Variants in OTC observed in about 807,000 individuals in gnomAD.
OTC encodes the protein ornithine transcarbamylase, mitochondrial.
In OTC, 3 loss-of-function variants were observed where a neutral mutation model predicts 30.3. The ratio of observed to expected loss-of-function variants is 0.10; its 90% CI spans 0.05 to 0.26. The LOEUF (loss-of-function observed/expected upper bound fraction) is 0.26, where lower values mean the gene tolerates loss of function less well. Ranked by LOEUF, OTC falls within the 10% of genes least tolerant of loss-of-function variation. The pLI is 1.00. For synonymous variants in OTC, 111 were observed against 99.7 expected, an observed-to-expected ratio of 1.11 and a Z score of -0.67; for missense variants, 194 against 260.3, an observed-to-expected ratio of 0.75 and a Z score of 1.75.
chrX:38,367,482 A>C, intron 2 of OTC, 53 bp downstream of exon 2: 2 of 1,066,840 alleles, frequency 1.9e-6, no homozygotes, highest in Non-Finnish European at 2.6e-6. Context: ...CTTTTTTTAA[A>C]GGCAGCCTTC....
intron 3 of OTC, among the ~76,000 whole-genome samples, chrX:38,378,126 G>A (rs985364806): frequency 2.9e-5 from 3 of 104,437 alleles, no homozygotes; most frequent in South Asian, 9.1e-4. Flanking sequence ...GTGAGCCACC[G>A]CACCCGGCCT....
At chrX:38,336,149 A>C in the OTC span, among the ~76,000 whole-genome samples, 1 of 111,367 alleles carries the variant, frequency 9.0e-6, no homozygotes, top group Non-Finnish European at 1.9e-5. Flanking sequence ...AGATCCAGGG[A>C]TAACAGCATT....
chrX:38,359,165 G>A (rs2068257425), intron 1 of OTC, among the ~76,000 whole-genome samples: 1 of 111,655 alleles, frequency 9.0e-6, no homozygotes, highest in Admixed American at 9.5e-5. Flanking sequence ...AGGTATACTT[G>A]CCAGTTTTCC....
chrX:38,389,979 G>T (rs1200438078), intron 4 of OTC, among the ~76,000 whole-genome samples: 1 of 111,767 alleles, frequency 8.9e-6, no homozygotes, highest in African/African-American at 3.2e-5. Context: ...ACTCAATTTT[G>T]GCTATCTCTG....
At chrX:38,331,152 T>A in the OTC span, among the ~76,000 whole-genome samples, 4 of 111,929 alleles carry the variant, frequency 3.6e-5, no homozygotes, top group East Asian at 1.1e-3. Context: ...ATAAAAATAA[T>A]AATTTAAGCC....
intron 3 of OTC, among the ~76,000 whole-genome samples, chrX:38,372,103 G>T (rs1185174454): frequency 8.9e-6 from 1 of 111,885 alleles, no homozygotes; most frequent in African/African-American, 3.2e-5. Flanking sequence ...ACTTTTCCCT[G>T]TTCAAATGTT....
intron 4 of OTC, among the ~76,000 whole-genome samples, chrX:38,387,655 A>G (rs374470386): frequency 1.1e-4 from 12 of 111,586 alleles, no homozygotes; most frequent in South Asian, 3.8e-4. Context: ...ATCAGCATAC[A>G]GTGATACTCA....
the OTC span, among the ~76,000 whole-genome samples, chrX:38,339,676 A>G: frequency 9.0e-6 from 1 of 110,985 alleles, no homozygotes; most frequent in Non-Finnish European, 1.9e-5. Flanking sequence ...AGTTGATATT[A>G]AAGCATTTTT....
the OTC span, among the ~76,000 whole-genome samples, chrX:38,332,292 T>C: frequency 9.3e-6 from 1 of 107,594 alleles, no homozygotes; most frequent in Non-Finnish European, 1.9e-5. Context: ...GTATATTTAG[T>C]TATATATTAC....
intron 3 of OTC, among the ~76,000 whole-genome samples, chrX:38,380,331 G>A (rs142991321): frequency 1.5e-4 from 17 of 112,360 alleles, no homozygotes; most frequent in African/African-American, 5.5e-4. Context: ...TGTGACTGTT[G>A]CTTATTTCCC....
intron 1 of OTC, among the ~76,000 whole-genome samples, chrX:38,354,452 C>T (rs970748141): frequency 2.7e-5 from 3 of 111,881 alleles, no homozygotes; most frequent in Admixed American, 9.5e-5. Flanking sequence ...TTATACTGTT[C>T]TTTGAAAACT....
chrX:38,396,317 C>T (rs1396073901), intron 4 of OTC, among the ~76,000 whole-genome samples: 7 of 111,016 alleles, frequency 6.3e-5, no homozygotes. Context: ...TGTTTTTAAT[C>T]TCTGGCAGCA....
At chrX:38,387,892 G>A (rs1302271502) in intron 4 of OTC, among the ~76,000 whole-genome samples, 4 of 111,200 alleles carry the variant, frequency 3.6e-5, no homozygotes, top group Non-Finnish European at 3.8e-5. Flanking sequence ...CAGACACCCA[G>A]AAGGAAAGCA....
the OTC span, among the ~76,000 whole-genome samples, chrX:38,338,707 A>G: frequency 8.9e-6 from 1 of 112,501 alleles, no homozygotes; most frequent in Non-Finnish European, 1.9e-5. Flanking sequence ...GGGAATGCAT[A>G]GAATTTACGG....
In OTC at chrX:38,394,737, G is replaced by A. The variant is rs188908693; in HGVS notation, c.387-6538G>A. Among the ~76,000 whole-genome samples the A allele has an allele frequency of 5.6e-3, 618 of 110,995 alleles. 6 individuals carry two copies. Among genetic ancestry groups the A allele is most frequent in the Middle Eastern group, 0.018 (4 of 217 alleles). ...TACTCAAAACTTTATCCTCAGTTTC[G>A]CATTAGGATTAGCCTTTAATAATCT... On this transcript the variant is annotated intron_variant, in intron 4 of 9. Transcript: ENST00000039007.
intron 4 of OTC, among the ~76,000 whole-genome samples, chrX:38,385,351 C>T (rs757662965): frequency 1.8e-5 from 2 of 112,393 alleles, no homozygotes; most frequent in Admixed American, 9.4e-5. Context: ...AGCGAGGAGG[C>T]TTTTGCTAAA....
At chrX:38,404,794 G>T (rs1415929305) in intron 6 of OTC, among the ~76,000 whole-genome samples, 2 of 111,054 alleles carry the variant, frequency 1.8e-5, no homozygotes, top group African/African-American at 6.6e-5. Context: ...ATCCTGATTT[G>T]CTCAAGATCA....
At chrX:38,328,372 A>G in the OTC span, among the ~76,000 whole-genome samples, 1 of 112,536 alleles carries the variant, frequency 8.9e-6, no homozygotes, top group Non-Finnish European at 1.9e-5. Context: ...ACTATTAGTT[A>G]CACAAATAAT....
the OTC span, among the ~76,000 whole-genome samples, chrX:38,337,532 T>C: frequency 8.9e-6 from 1 of 111,947 alleles, no homozygotes; most frequent in African/African-American, 3.2e-5. Context: ...GGTATAGGTC[T>C]ATGCCTCTGG....
Sources: allele counts gnomAD v4.1 joint callset (sites outside exome capture counted in the v4.1 genomes callset), GRCh38; gene constraint gnomAD v4.1.1; transcripts MANE v1.5; gene names NCBI Gene and HGNC (gene_info 2026-07-23, HGNC 2026-07-21).